The following ATP8B1 variants were observed in gnomAD, a reference collection of about 807,000 sequenced individuals.
ATP8B1 encodes ATPase phospholipid transporting 8B1.
In ATP8B1, 80 loss-of-function variants were observed where a neutral mutation model predicts 149.9. That is an observed-to-expected ratio of 0.53 (90% CI 0.45 to 0.64). ATP8B1 has a LOEUF of 0.64. Among genes scored for constraint, ATP8B1 ranks in the 30% least tolerant of loss-of-function variants. The pLI is 0.00. For missense variants in ATP8B1, 1,247 were observed against 1,552.6 expected (o/e 0.80, Z 3.31); for synonymous variants, 536 against 562.8 (o/e 0.95, Z 0.67).
chr18:57,756,663 C>CTCTG (rs2080087924), intron 1 of ATP8B1, among the ~76,000 whole-genome samples: 2 of 151,806 alleles, frequency 1.3e-5, no homozygotes, highest in South Asian at 4.2e-4. Context: ...TTCTCTCTCT[C>CTCTG]TCTCTCTCTT....
At chr18:57,667,071 A>G (rs751050122) in intron 20 of ATP8B1, 21 bp downstream of exon 20, 4 of 1,587,612 alleles carry the variant, frequency 2.5e-6, no homozygotes, top group Non-Finnish European at 1.7e-6. Context: ...ACGTAATTTC[A>G]TACTGCAGGC....
chr18:57,776,262 G>A (rs1255171374), intron 1 of ATP8B1, among the ~76,000 whole-genome samples: 9 of 152,190 alleles, frequency 5.9e-5, no homozygotes, highest in African/African-American at 2.2e-4. Context: ...TCTGTCCAAC[G>A]ACCCTTTGCC....
At chr18:57,719,191 C>A (rs953834399) in intron 2 of ATP8B1, among the ~76,000 whole-genome samples, 23 of 152,188 alleles carry the variant, frequency 1.5e-4, no homozygotes, top group African/African-American at 5.3e-4. Context: ...AAATCAGTAG[C>A]CTTTCTGTAT....
At chr18:57,658,966 TCTATAA>T (rs1272143289) in intron 22 of ATP8B1, among the ~76,000 whole-genome samples, 7 of 152,172 alleles carry the variant, frequency 4.6e-5, no homozygotes, top group Admixed American at 1.3e-4. Context: ...AAAGGGATGC[TCTATAA>T]CTTATATATA....
intron 20 of ATP8B1, among the ~76,000 whole-genome samples, chr18:57,663,821 C>T (rs569936674): frequency 6.5e-5 from 9 of 138,316 alleles, no homozygotes; most frequent in African/African-American, 1.4e-4. Context: ...GGCTGGAGTG[C>T]AGTGGTGTTA....
At chr18:57,713,247 C>A (rs1913814611) in intron 2 of ATP8B1, among the ~76,000 whole-genome samples, 1 of 130,486 alleles carries the variant, frequency 7.7e-6, no homozygotes, top group Non-Finnish European at 1.6e-5. Context: ...TTCCTTCTTT[C>A]TTTCTTTCTT....
Position 57,669,455 on chromosome 18 carries a change from G to C in ATP8B1, c.1960C>G (p.Leu654Val). Residue 654 changes from leucine to valine, a missense_variant, in exon 18 of 28, where the codon CTA (leucine) becomes GTA (valine). Physicochemically the swap from Leu to Val is conservative, Grantham distance 32. Transcript: ENST00000648908. Reference protein sequence around the residue: ...DIFANETLRTLCLCYKEIEEK... With the variant: ...DIFANETLRTVCLCYKEIEEK... Reference sequence around the variant, plus strand: ...TCAATTTCCTTGTAGCAAAGGCATAGGGTTCTAAGAGTTTCATTTGCAAAG... The same window carrying C: ...TCAATTTCCTTGTAGCAAAGGCATACGGTTCTAAGAGTTTCATTTGCAAAG... 6.2e-7 allele frequency: 1 copy of C among 1,613,012 alleles called. No homozygotes were observed. The highest frequency in any genetic ancestry group is 8.5e-7 in the Non-Finnish European group (1 of 1,179,198).
In ATP8B1 at chr18:57,648,064, G is replaced by A; in HGVS notation, c.*424C>T. On this transcript the variant is annotated 3_prime_UTR_variant, in exon 28 of 28. Coordinates refer to ENST00000648908, the MANE Select transcript of ATP8B1 (RefSeq NM_001374385.1). The stretch of plus-strand genomic sequence containing the variant: ...TGCAGTGGCGCAATCTCGGCTCACT[G>A]TAACCTCCATCTCCCAGGTTCAAGC... 1 of 327,192 alleles carries A rather than the reference G, an allele frequency of 3.1e-6. No homozygotes were observed. Among genetic ancestry groups the A allele is most frequent in the South Asian group, 2.6e-5 (1 of 38,610 alleles). The allele number at this position is 327,192 out of a possible 1,614,324, so 20.3% of individuals were successfully genotyped here.
intron 1 of ATP8B1, among the ~76,000 whole-genome samples, chr18:57,749,015 T>G (rs1046191179): frequency 1.3e-5 from 2 of 152,040 alleles, no homozygotes; most frequent in Non-Finnish European, 2.9e-5. Flanking sequence ...TTAAAACATC[T>G]TCAAAATGTT....
intron 8 of ATP8B1, among the ~76,000 whole-genome samples, chr18:57,695,953 A>T (rs1441822398): frequency 6.6e-6 from 1 of 152,226 alleles, no homozygotes. Context: ...AGAGTGAATA[A>T]CTGGATCACA....
At chr18:57,799,046 G>A (rs2080547309) in intron 1 of ATP8B1, among the ~76,000 whole-genome samples, 1 of 152,170 alleles carries the variant, frequency 6.6e-6, no homozygotes, top group Admixed American at 6.5e-5. Context: ...ACCTTTTACT[G>A]AACTGTGTGC....
chr18:57,658,543 C>G (rs1409287010), intron 22 of ATP8B1, among the ~76,000 whole-genome samples: 1 of 152,064 alleles, frequency 6.6e-6, no homozygotes, highest in East Asian at 1.9e-4. Flanking sequence ...GACTACACTG[C>G]TAAACGTGAA....
intron 2 of ATP8B1, among the ~76,000 whole-genome samples, chr18:57,710,503 C>T (rs1466772095): frequency 6.6e-6 from 1 of 152,036 alleles, no homozygotes; most frequent in Non-Finnish European, 1.5e-5. Context: ...TACAGACCCA[C>T]CAACAACCAA....
intron 13 of ATP8B1, 111 bp from the exon 14 acceptor site, chr18:57,685,226 C>G: frequency 8.6e-7 from 1 of 1,157,418 alleles, no homozygotes; most frequent in South Asian, 1.2e-5. Context: ...ACGGCCTGGA[C>G]AGGCTAAAAT....
Position 57,694,547 on chromosome 18 carries a change from T to C in ATP8B1, c.1029+35A>G. 1 of 1,343,720 alleles carries C rather than the reference T, an allele frequency of 7.4e-7. No individual in the cohort carries two copies. The highest frequency in any genetic ancestry group is 1.1e-6 in the Non-Finnish European group (1 of 937,664). 83.2% of individuals were successfully genotyped at this position (1,343,720 alleles called of 1,614,324 possible). A position where few individuals can be genotyped will look rare whatever the true frequency, so the allele number is the denominator to read the frequency against. On this transcript the variant is annotated intron_variant, in intron 11 of 27. Coordinates refer to ENST00000648908, the MANE Select transcript of ATP8B1 (RefSeq NM_001374385.1). The stretch of plus-strand genomic sequence containing the variant: ...AATATTAGTGCAAAAGACAGCAATC[T>C]AGATGAGAGATCTACTGAGATGAAA...
chr18:57,740,558 C>CT (rs1429582145), intron 1 of ATP8B1: 4 of 134,532 alleles, frequency 3.0e-5, no homozygotes, highest in Non-Finnish European at 3.1e-5. Flanking sequence ...TGGTTTGCTT[C>CT]TTTTTTCTTC....
intron 3 of ATP8B1, among the ~76,000 whole-genome samples, chr18:57,705,054 G>A (rs1568204040): frequency 6.6e-6 from 1 of 152,168 alleles, no homozygotes; most frequent in Admixed American, 6.5e-5. Context: ...CAGCCTGAGT[G>A]ACAGAGTGAG....
intron 15 of ATP8B1, among the ~76,000 whole-genome samples, chr18:57,680,525 A>G (rs537378303): frequency 4.6e-5 from 7 of 151,510 alleles, no homozygotes; most frequent in African/African-American, 1.7e-4. Context: ...CGGAGGTTGC[A>G]GTGAGCCGAG....
chr18:57,664,174 G>A (rs1181852204), intron 20 of ATP8B1, among the ~76,000 whole-genome samples: 1 of 151,256 alleles, frequency 6.6e-6, no homozygotes, highest in East Asian at 1.9e-4. Context: ...GACAGTCAAA[G>A]GAAGATACAG....
Sources: gnomAD v4.1 joint callset for allele counts (sites outside exome capture counted in the v4.1 genomes callset) on GRCh38, gnomAD v4.1.1 for gene constraint, MANE v1.5 for transcripts, NCBI Gene and HGNC (gene_info 2026-07-23, HGNC 2026-07-21) for gene names.